ARHGAP23: variants seen among roughly 807,000 people sequenced by gnomAD.
The protein encoded by ARHGAP23 is Rho GTPase activating protein 23, also known as rho GTPase-activating protein 23.
ARHGAP23 carries 34 observed loss-of-function variants against 136.3 expected under a neutral mutation model. The ratio of observed to expected loss-of-function variants is 0.25; its 90% CI spans 0.19 to 0.33. The LOEUF (loss-of-function observed/expected upper bound fraction) is 0.33, where lower values mean the gene tolerates loss of function less well. ARHGAP23 is among the 10% of genes least tolerant of loss of function. The probability of loss-of-function intolerance (pLI) is 1.00; values close to 1 mark genes in which losing one functional copy is unlikely to be tolerated. For missense variants in ARHGAP23, 1,808 were observed against 2,139.0 expected, an observed-to-expected ratio of 0.85 and a Z score of 3.05; for synonymous variants, 832 against 920.5, an observed-to-expected ratio of 0.90 and a Z score of 1.74.
intron 20 of ARHGAP23, among the ~76,000 whole-genome samples, chr17:38,496,193 G>C (rs762951459): frequency 3.3e-5 from 5 of 152,034 alleles, no homozygotes; most frequent in Non-Finnish European, 5.9e-5. Context: ...TCACTGCACC[G>C]GGCCTGTCAC....
intron 1 of ARHGAP23, among the ~76,000 whole-genome samples, chr17:38,443,668 G>C (rs540095467): frequency 7.9e-5 from 12 of 151,880 alleles, no homozygotes; most frequent in Non-Finnish European, 1.8e-4. Context: ...GGGGTAACCG[G>C]GAGGGATGGG....
chr17:38,484,607 T>C (rs1449230545), intron 16 of ARHGAP23, among the ~76,000 whole-genome samples: 3 of 139,056 alleles, frequency 2.2e-5, no homozygotes, highest in Admixed American at 7.0e-5. Flanking sequence ...GGCCAGGGCA[T>C]TGGGTTTGGC....
intron 11 of ARHGAP23, among the ~76,000 whole-genome samples, chr17:38,475,302 TCTCA>T (rs2039867456): frequency 6.6e-6 from 1 of 152,228 alleles, no homozygotes; most frequent in Non-Finnish European, 1.5e-5. Context: ...TGACCAACTC[TCTCA>T]CTCATTTACC....
At chr17:38,428,951 C>A (rs1329449373) in intron 1 of ARHGAP23, among the ~76,000 whole-genome samples, 2 of 152,006 alleles carry the variant, frequency 1.3e-5, no homozygotes, top group Admixed American at 1.3e-4. Flanking sequence ...TGGCGAGGCC[C>A]CGGCACAGCT....
intron 10 of ARHGAP23, among the ~76,000 whole-genome samples, chr17:38,470,806 G>A (rs1262296296): frequency 6.6e-6 from 1 of 152,062 alleles, no homozygotes; most frequent in Non-Finnish European, 1.5e-5. Context: ...CAAAGTGTTG[G>A]GATTACAGGC....
At chr17:38,503,060 A>G (rs1222776032) in intron 23 of ARHGAP23, among the ~76,000 whole-genome samples, 2 of 152,168 alleles carry the variant, frequency 1.3e-5, no homozygotes, top group Admixed American at 1.3e-4. Flanking sequence ...AAACAAACAA[A>G]CAAACAAACA....
chr17:38,469,253 C>A lies in ARHGAP23; in HGVS notation c.1758C>A (p.Ser586=), dbSNP rs1407371875. ...SAPVLGTSPS[S]PTFTFTLGRH... ...CTGTCCTGGGCACCAGCCCATCTTC[C>A]CCGACCTTCACTTTCACCCTCGGAC... Residue 586 remains serine (S), a synonymous_variant, in exon 8 of 24, where the codon TCC becomes TCA. Coordinates refer to ENST00000622683, the MANE Select transcript of ARHGAP23 (RefSeq NM_001199417.2). 3.9e-6 allele frequency: 6 copies of A among 1,551,486 alleles called. No homozygotes were observed. Among genetic ancestry groups the A allele is most frequent in the Non-Finnish European group, 5.2e-6 (6 of 1,146,846 alleles).
chr17:38,466,872 C>T lies in ARHGAP23; in HGVS notation c.1189C>T (p.Leu397=). The T allele has an allele frequency of 6.5e-7, 1 of 1,549,836 alleles. No homozygotes were observed. Among genetic ancestry groups the T allele is most frequent in the Non-Finnish European group, 8.7e-7 (1 of 1,146,824 alleles). The change falls in exon 7 of 24, where the codon CTG becomes TTG. Residue 397 remains leucine (L), a synonymous_variant. Coordinates refer to ENST00000622683, the MANE Select transcript of ARHGAP23 (RefSeq NM_001199417.2). The part of the protein sequence containing the change: ...ARTPACPTRD[L]PGPQAPPPSG... The stretch of plus-strand genomic sequence containing the variant: ...CACCCCCGCCTGCCCAACTCGGGAC[C>T]TGCCAGGGCCCCAGGCCCCACCCCC...
At chr17:38,473,196 T>C (rs559763544) in intron 11 of ARHGAP23, among the ~76,000 whole-genome samples, 1 of 151,644 alleles carries the variant, frequency 6.6e-6, no homozygotes, top group Non-Finnish European at 1.5e-5. Context: ...TCAAATTATG[T>C]GTCTGCCTCG....
At chr17:38,453,773 C>CCCCCGGG (rs1567787471) in intron 1 of ARHGAP23, 1 of 145,662 alleles carries the variant, frequency 6.9e-6, no homozygotes, top group African/African-American at 2.5e-5. Flanking sequence ...CCCTTCGGGG[C>CCCCCGGG]CCCCGGGCCC....
Position 38,490,367 on chromosome 17 carries a change from G to A in ARHGAP23, c.3061-95G>A, listed in dbSNP as rs143380433. The A allele has an allele frequency of 3.5e-5, 41 of 1,170,348 alleles. No homozygotes were observed. The East Asian group carries it at 1.0e-3, about 29-fold the overall frequency. The allele number at this position is 1,170,348 out of a possible 1,614,324, so 72.5% of individuals were successfully genotyped here. A position where few individuals can be genotyped will look rare whatever the true frequency, so the allele number is the denominator to read the frequency against. On this transcript the variant is annotated intron_variant, in intron 18 of 23. Coordinates refer to ENST00000622683, the MANE Select transcript of ARHGAP23 (RefSeq NM_001199417.2). ...GAGGATAGGTTCCAGACTCCCTGAGGCATGGTAGTGGGAGATCTTTGGGGC... is the reference window on the plus strand; with the variant it reads ...GAGGATAGGTTCCAGACTCCCTGAGACATGGTAGTGGGAGATCTTTGGGGC...
chr17:38,500,584 C>T lies in ARHGAP23; in HGVS notation c.3416-13C>T, dbSNP rs561343194. On this transcript the variant is annotated splice_polypyrimidine_tract_variant and intron_variant, in intron 22 of 23. Coordinates refer to ENST00000622683, the MANE Select transcript of ARHGAP23 (RefSeq NM_001199417.2). ...ATGCAACTTTCATTTTTTTTTCTGT[C>T]TTTCACCAACAGATTCTACCACCTG... The T allele has an allele frequency of 1.3e-4, 196 of 1,547,020 alleles. 3 individuals are homozygous for T. In the South Asian group the frequency reaches 2.3e-3, roughly 18 times the overall value.
In ARHGAP23 at chr17:38,471,915, A is replaced by G. The variant is rs1431941372; in HGVS notation, c.2027A>G (p.His676Arg). 1 of 1,549,490 alleles carries G rather than the reference A, an allele frequency of 6.5e-7. No individual in the cohort carries two copies. The highest frequency in any genetic ancestry group is 1.2e-5 in the South Asian group (1 of 83,948). Residue 676 changes from histidine (H) to arginine (R), a missense_variant, in exon 11 of 24, where the codon CAC becomes CGC. Around this residue, in one of 7 missense-constraint regions of ARHGAP23, gnomAD observed 139 missense variants for 264.3 expected, o/e 0.53. Coordinates refer to ENST00000622683, the MANE Select transcript of ARHGAP23 (RefSeq NM_001199417.2). ...SEDADAPSKR[H>R]STSDLSDATF... Reference sequence around the variant, plus strand: ...GATGCTGACGCTCCTTCTAAGCGACACTCAACCTCTGACCTCTCAGATGCG... The same window carrying G: ...GATGCTGACGCTCCTTCTAAGCGACGCTCAACCTCTGACCTCTCAGATGCG...
chr17:38,423,519 A>G (rs8079561), upstream of ARHGAP23, among the ~76,000 whole-genome samples: 20,696 of 151,544 alleles, frequency 0.14, 1,668 homozygotes, highest in African/African-American at 0.21. Context: ...TTACAGGCGC[A>G]CACCACCACG....
intron 20 of ARHGAP23, among the ~76,000 whole-genome samples, chr17:38,496,608 G>C (rs1430907489): frequency 1.3e-5 from 2 of 152,186 alleles, no homozygotes; most frequent in Admixed American, 1.3e-4. Flanking sequence ...TGATGTCTCA[G>C]GATAGCTTTA....
At chr17:38,492,259 G>A (rs1461274583) in intron 20 of ARHGAP23, among the ~76,000 whole-genome samples, 1 of 152,188 alleles carries the variant, frequency 6.6e-6, no homozygotes, top group East Asian at 1.9e-4. Flanking sequence ...TGTGCACACG[G>A]ATATCATTAT....
At chr17:38,432,397 G>C (rs577259890) in intron 1 of ARHGAP23, among the ~76,000 whole-genome samples, 1 of 151,836 alleles carries the variant, frequency 6.6e-6, no homozygotes, top group South Asian at 2.1e-4. Flanking sequence ...AAATTAGCTG[G>C]GGCCAGGAGC....
chr17:38,436,375 C>T (rs2038797430), intron 1 of ARHGAP23, among the ~76,000 whole-genome samples: 1 of 146,462 alleles, frequency 6.8e-6, no homozygotes. Flanking sequence ...AGGATATTCC[C>T]CTCAGCTACC....
chr17:38,469,801 C>T, intron 9 of ARHGAP23, 46 bp from the exon 10 acceptor site: 1 of 1,548,534 alleles, frequency 6.5e-7, no homozygotes, highest in Admixed American at 2.0e-5. Flanking sequence ...TAGTGAGGTC[C>T]CAGCTTTGCT....
Sources: allele counts gnomAD v4.1 joint callset (sites outside exome capture counted in the v4.1 genomes callset), GRCh38; gene constraint gnomAD v4.1.1; regional missense constraint gnomAD v4.1.1; transcripts MANE v1.5; gene names NCBI Gene and HGNC (gene_info 2026-07-23, HGNC 2026-07-21).